The following PIEZO2 variants were observed in gnomAD, a reference collection of about 807,000 sequenced individuals.
The protein encoded by PIEZO2 is piezo type mechanosensitive ion channel component 2.
Under a neutral mutation model 337.3 loss-of-function variants are expected in PIEZO2, and 172 were observed. That is an observed-to-expected ratio of 0.51 (90% CI 0.45 to 0.58). PIEZO2 has a LOEUF of 0.58. Among genes scored for constraint, PIEZO2 ranks in the 20% least tolerant of loss-of-function variants. PIEZO2 has a pLI of 0.00. For missense variants in PIEZO2, 3,028 were observed against 3,391.3 expected, an observed-to-expected ratio of 0.89 and a Z score of 2.66; for synonymous variants, 1,251 against 1,228.5, an observed-to-expected ratio of 1.02 and a Z score of -0.38.
rs927163969 is a variant in PIEZO2, at chr18:10,855,941, C to A, written c.704-375G>T. ...TCATGTATCTGTATGTCTGTTCCAACCTTTCCTGACACCATTTTCTTTATA... is the reference window on the plus strand; with the variant it reads ...TCATGTATCTGTATGTCTGTTCCAAACTTTCCTGACACCATTTTCTTTATA... On this transcript the variant is annotated intron_variant, in intron 6 of 55. Coordinates refer to ENST00000674853, the MANE Select transcript of PIEZO2 (RefSeq NM_001378183.1). This position sits in a 1 kb window ranked among gnomAD's most constrained non-coding sequence, Gnocchi z 4.9. Among the ~76,000 whole-genome samples the A allele has an allele frequency of 6.6e-6, 1 of 152,162 alleles. No individual in the cohort carries two copies.
rs1288884668 is a variant in PIEZO2 at position 10,813,045 on chromosome 18, C to A, written c.918-5771G>T. On this transcript the variant is annotated intron_variant, in intron 7 of 55. Coordinates refer to ENST00000674853, the MANE Select transcript of PIEZO2 (RefSeq NM_001378183.1). This position sits in a 1 kb window ranked among gnomAD's most constrained non-coding sequence, Gnocchi z 4.2. ...GTCACCCGGGCTGGAGTGCATTGGGCCTCTGCTCACTGCAACCTCTGCCTC... is the reference window on the plus strand; with the variant it reads ...GTCACCCGGGCTGGAGTGCATTGGGACTCTGCTCACTGCAACCTCTGCCTC... Among the ~76,000 whole-genome samples, 1 of 150,892 alleles carries A rather than the reference C, an allele frequency of 6.6e-6. No homozygotes were observed. The highest frequency in any genetic ancestry group is 2.4e-5 in the African/African-American group (1 of 40,954).
intron 42 of PIEZO2, 27 bp downstream of exon 42, chr18:10,704,367 T>G (rs2035474557): frequency 6.5e-7 from 1 of 1,534,596 alleles, no homozygotes; most frequent in Non-Finnish European, 8.7e-7. Flanking sequence ...CCTGAAGCCA[T>G]CCACAGGGGT....
chr18:10,786,965 T>C, intron 16 of PIEZO2, 71 bp downstream of exon 16: 2 of 1,383,784 alleles, frequency 1.4e-6, no homozygotes, highest in Admixed American at 2.5e-5. Flanking sequence ...AAAATCTTCC[T>C]TAAAGATGCT....
intron 1 of PIEZO2, among the ~76,000 whole-genome samples, chr18:11,114,819 G>A (rs578155061): frequency 6.6e-6 from 1 of 152,092 alleles, no homozygotes. Context: ...AGGCTGGAGG[G>A]CTTCTGAATC....
chr18:10,826,540 T>C (rs991858551), intron 7 of PIEZO2, among the ~76,000 whole-genome samples: 5 of 152,222 alleles, frequency 3.3e-5, no homozygotes, highest in Non-Finnish European at 5.9e-5. Flanking sequence ...ACAGTGCTTA[T>C]ATGCAGTTCC....
rs548618132 is a variant in PIEZO2, at chr18:10,986,876, A to C, written c.161-7216T>G. Reference sequence around the variant, plus strand: ...AATAAACTCAGTAAAACAGCAATTAACGAAATCAATGTATAAAAATCAACT... The same window carrying C: ...AATAAACTCAGTAAAACAGCAATTACCGAAATCAATGTATAAAAATCAACT... On this transcript the variant is annotated intron_variant, in intron 2 of 55. Transcript: ENST00000674853. 5.3e-5 allele frequency among the ~76,000 whole-genome samples: 8 copies of C among 152,196 alleles called. No individual in the cohort carries two copies. In the South Asian group the frequency reaches 1.7e-3, roughly 32 times the overall value.
Position 10,797,298 on chromosome 18 carries a change from A to G in PIEZO2, c.1527+76T>C, listed in dbSNP as rs1348852722. 1.4e-5 allele frequency: 18 copies of G among 1,252,642 alleles called. 2 individuals carry two copies. The highest frequency in any genetic ancestry group is 2.4e-5 in the Admixed American group (1 of 41,648). The allele number at this position is 1,252,642 out of a possible 1,614,324, so 77.6% of individuals were successfully genotyped here. ...CATTATATATGTACCATCATATTAT[A>G]CATACCGTCATGGCACACATACCAT... On this transcript the variant is annotated intron_variant, in intron 12 of 55. Coordinates refer to ENST00000674853, the MANE Select transcript of PIEZO2 (RefSeq NM_001378183.1).
intron 3 of PIEZO2, among the ~76,000 whole-genome samples, chr18:10,955,740 A>G (rs2033489887): frequency 6.6e-6 from 1 of 152,136 alleles, no homozygotes; most frequent in African/African-American, 2.4e-5. Flanking sequence ...CCAATATTTC[A>G]TTTTTATATT....
chr18:10,740,694 G>A lies in PIEZO2; in HGVS notation c.4708+337C>T, dbSNP rs949848165. 31 of 422,870 alleles carry A rather than the reference G, an allele frequency of 7.3e-5. No homozygotes were observed. In the East Asian group the frequency reaches 1.2e-3, roughly 17 times the overall value. 26.2% of individuals were successfully genotyped at this position (422,870 alleles called of 1,614,324 possible). ...GGGTATTTAGCCATAAAATATGTATGTGAATAGGGCTCTCGACCTCAGAAT... is the reference window on the plus strand; with the variant it reads ...GGGTATTTAGCCATAAAATATGTATATGAATAGGGCTCTCGACCTCAGAAT... On this transcript the variant is annotated intron_variant, in intron 33 of 55. Transcript: ENST00000674853.
In PIEZO2 at chr18:10,759,579, G is replaced by A; in HGVS notation, c.3660C>T (p.Tyr1220=). 1 of 1,537,358 alleles carries A rather than the reference G, an allele frequency of 6.5e-7. No homozygotes were observed. Among genetic ancestry groups the A allele is most frequent in the Non-Finnish European group, 8.7e-7 (1 of 1,146,910 alleles). The change falls in exon 26 of 56, where the codon TAC becomes TAT. Residue 1220 remains tyrosine (Y), a synonymous_variant. Coordinates refer to ENST00000674853, the MANE Select transcript of PIEZO2 (RefSeq NM_001378183.1). The surrounding 1 kb of genome is among the most constrained non-coding windows in gnomAD (Gnocchi z 5.5). ...AGCTGGCACCCTTGAATCTCCACGG[G>A]TAATCTGCAGGGAGGGAAGTGGCGA... The part of the protein sequence containing the change: ...IGIPPAPCRD[Y]PWRFKGASFN...
intron 42 of PIEZO2, among the ~76,000 whole-genome samples, chr18:10,702,824 A>G (rs1462804408): frequency 1.3e-5 from 2 of 152,220 alleles, no homozygotes; most frequent in Non-Finnish European, 2.9e-5. Flanking sequence ...TGACAAGAAA[A>G]GGGAGAGCCT....
At chr18:10,680,155 G>A (rs1276371288) in intron 52 of PIEZO2, 44 bp downstream of exon 52, 1 of 1,520,644 alleles carries the variant, frequency 6.6e-7, no homozygotes, top group Non-Finnish European at 9.0e-7. Context: ...TCCATGTTTA[G>A]ACTGGGGAAA....
Position 10,888,513 on chromosome 18 carries a change from C to T in PIEZO2, c.330-17098G>A, listed in dbSNP as rs559255686. On this transcript the variant is annotated intron_variant, in intron 4 of 55. Coordinates refer to ENST00000674853, the MANE Select transcript of PIEZO2 (RefSeq NM_001378183.1). This position sits in a 1 kb window ranked among gnomAD's most constrained non-coding sequence, Gnocchi z 4.1. ...ACTTGGAGTAGCATTGTTACGGGGG[C>T]GACATTGCTTCTGGGTCCTCTTATT... 6.6e-6 allele frequency among the ~76,000 whole-genome samples: 1 copy of T among 152,126 alleles called. No homozygotes were observed. The highest frequency in any genetic ancestry group is 2.4e-5 in the African/African-American group (1 of 41,516).
Position 11,111,962 on chromosome 18 carries a change from T to C in PIEZO2, c.64+36563A>G, listed in dbSNP as rs2039750748. Among the ~76,000 whole-genome samples the C allele has an allele frequency of 6.6e-6, 1 of 152,306 alleles. No individual in the cohort carries two copies. The highest frequency in any genetic ancestry group is 3.4e-3 in the Middle Eastern group (1 of 294). On this transcript the variant is annotated intron_variant, in intron 1 of 55. Coordinates refer to ENST00000674853, the MANE Select transcript of PIEZO2 (RefSeq NM_001378183.1). This position sits in a 1 kb window ranked among gnomAD's most constrained non-coding sequence, Gnocchi z 6.2. ...CTGCAGGCCACTTCATGAGTCCCCT[T>C]GAATCCTCTGAGGTTCTGACTTAAG...
intron 7 of PIEZO2, among the ~76,000 whole-genome samples, chr18:10,842,186 AT>A (rs1170386992): frequency 1.4e-5 from 2 of 147,422 alleles, no homozygotes; most frequent in African/African-American, 5.0e-5. Context: ...GCATTTTTTT[AT>A]TTTTGTTTTT....
chr18:10,990,067 T>C (rs2035032242), intron 2 of PIEZO2, among the ~76,000 whole-genome samples: 1 of 152,166 alleles, frequency 6.6e-6, no homozygotes, highest in East Asian at 1.9e-4. Context: ...AAGAGATGAA[T>C]ATGTAAAAAT....
At position 10,962,269 on chromosome 18, in the gene PIEZO2, C is replaced by A. The variant is rs767815669; in HGVS notation, c.286+17266G>T. Among the ~76,000 whole-genome samples, 3 of 152,168 alleles carry A rather than the reference C, an allele frequency of 2.0e-5. No homozygotes were observed. The highest frequency in any genetic ancestry group is 4.4e-5 in the Non-Finnish European group (3 of 68,028). ...CAACAGGTTAAATACGCAATCGTAG[C>A]CCTTCTCCCATCCATTCTGCATCTC... On this transcript the variant is annotated intron_variant, in intron 3 of 55. Transcript: ENST00000674853. The surrounding 1 kb of genome is among the most constrained non-coding windows in gnomAD (Gnocchi z 4.1).
intron 3 of PIEZO2, among the ~76,000 whole-genome samples, chr18:10,956,664 C>T (rs1331722629): frequency 6.6e-6 from 1 of 152,146 alleles, no homozygotes; most frequent in East Asian, 1.9e-4. Flanking sequence ...AAAACAGTAT[C>T]GTATTGGCAT....
chr18:10,696,443 C>T lies in PIEZO2; in HGVS notation c.6924G>A (p.Leu2308=), dbSNP rs1454189732. The T allele has an allele frequency of 6.2e-7, 1 of 1,614,238 alleles. No individual in the cohort carries two copies. The highest frequency in any genetic ancestry group is 8.5e-7 in the Non-Finnish European group (1 of 1,180,042). The change falls in exon 46 of 56, where the codon CTG becomes CTA. Residue 2308 remains leucine, a synonymous_variant. Coordinates refer to ENST00000674853, the MANE Select transcript of PIEZO2 (RefSeq NM_001378183.1). The stretch of plus-strand genomic sequence containing the variant: ...TGATGATGAAGTCCACAGTGTCAGC[C>T]AGGAACATGAGTACATACACGTCAG... ...AVTDVYVLMF[L]ADTVDFIIIV... is the part of the protein sequence containing the mutation.
Sources: gnomAD v4.1 joint callset for allele counts (sites outside exome capture counted in the v4.1 genomes callset) on GRCh38, gnomAD v4.1.1 for gene constraint, Gnocchi (gnomAD v3.1) non-coding constraint, MANE v1.5 for transcripts, NCBI Gene and HGNC (gene_info 2026-07-23, HGNC 2026-07-21) for gene names.